The following PRKG2 variants were observed in gnomAD, a reference collection of about 807,000 sequenced individuals.
PRKG2 encodes cGMP-dependent protein kinase 2.
A neutral mutation model predicts 97.2 loss-of-function variants in PRKG2; 33 were observed. The ratio of observed to expected loss-of-function variants is 0.34; its 90% CI spans 0.26 to 0.45. The LOEUF is 0.45. Ranked by LOEUF, PRKG2 falls within the 20% of genes least tolerant of loss-of-function variation. The probability of loss-of-function intolerance (pLI) is 1.00; values close to 1 mark genes in which losing one functional copy is unlikely to be tolerated. For synonymous variants in PRKG2, 330 were observed against 321.8 expected (o/e 1.03, Z -0.27); for missense variants, 638 against 900.0 (o/e 0.71, Z 3.73).
At chr4:81,120,751 A>G (rs1744998818) in intron 14 of PRKG2, among the ~76,000 whole-genome samples, 1 of 152,132 alleles carries the variant, frequency 6.6e-6, no homozygotes, top group African/African-American at 2.4e-5. Flanking sequence ...GTGAGCAAAG[A>G]CTTTTATTTC....
At position 81,174,899 on chromosome 4, in the gene PRKG2, A is replaced by T; in HGVS notation, c.522T>A (p.Pro174=). 1 of 1,613,014 alleles carries T rather than the reference A, an allele frequency of 6.2e-7. No homozygotes were observed. Among genetic ancestry groups the T allele is most frequent in the Middle Eastern group, 1.7e-4 (1 of 6,056 alleles). ...ATTCCACCATGTCTTTGATCTGCTG[A>T]GGATCCAGTCTTTTCAGAAACTGAT... The part of the protein sequence containing the change: ...NKNQFLKRLD[P]QQIKDMVECM... Residue 174 remains proline (P), a synonymous_variant, in exon 3 of 19, where the codon CCT becomes CCA. Transcript: ENST00000264399.
At chr4:81,094,717 T>C (rs1380571963) in intron 17 of PRKG2, among the ~76,000 whole-genome samples, 1 of 151,656 alleles carries the variant, frequency 6.6e-6, no homozygotes, top group African/African-American at 2.4e-5. Context: ...GGGGGAACCA[T>C]GGGAGGATCT....
At chr4:81,203,552 A>G (rs1428438270) in intron 2 of PRKG2, among the ~76,000 whole-genome samples, 1 of 152,148 alleles carries the variant, frequency 6.6e-6, no homozygotes, top group Non-Finnish European at 1.5e-5. Context: ...TGCAATAGAG[A>G]TTCAGGCTCG....
At chr4:81,155,050 C>A (rs1229646248) in intron 6 of PRKG2, among the ~76,000 whole-genome samples, 2 of 149,886 alleles carry the variant, frequency 1.3e-5, no homozygotes, top group Non-Finnish European at 3.0e-5. Context: ...TAGTGGCGGG[C>A]GCCTGTAGTC....
Position 81,174,782 on chromosome 4 carries a change from G to C in PRKG2, c.628+11C>G, listed in dbSNP as rs1438591055. On this transcript the variant is annotated intron_variant, in intron 3 of 18. Transcript: ENST00000264399. ...ATTTATTATATATCTGGAAAAATCT[G>C]TGAAACCCACCTGCCAGCACAAAGA... 2 of 1,595,202 alleles carry C rather than the reference G, an allele frequency of 1.3e-6. No individual in the cohort carries two copies. The highest frequency in any genetic ancestry group is 4.5e-5 in the East Asian group (2 of 44,616).
At chr4:81,207,574 T>C (rs1394387804) in intron 1 of PRKG2, among the ~76,000 whole-genome samples, 1 of 152,186 alleles carries the variant, frequency 6.6e-6, no homozygotes, top group African/African-American at 2.4e-5. Flanking sequence ...GCTCTATGGA[T>C]GGTATTCAAA....
intron 14 of PRKG2, among the ~76,000 whole-genome samples, chr4:81,113,345 T>C (rs997535655): frequency 6.6e-6 from 1 of 150,954 alleles, no homozygotes; most frequent in Non-Finnish European, 1.5e-5. Flanking sequence ...CTAACAAAAC[T>C]GAGGTTTCAA....
chr4:81,155,449 CTGAT>C (rs1748977100), intron 6 of PRKG2, among the ~76,000 whole-genome samples: 1 of 152,126 alleles, frequency 6.6e-6, no homozygotes, highest in Non-Finnish European at 1.5e-5. Context: ...AAATCTACGT[CTGAT>C]TGGTGTACCT....
upstream of PRKG2, among the ~76,000 whole-genome samples, chr4:81,217,066 T>TATATATATATAA (rs1466238894): frequency 8.3e-5 from 12 of 145,380 alleles, no homozygotes; most frequent in African/African-American, 3.1e-4. Flanking sequence ...TGTATATATA[T>TATATATATATAA]AATATAAAAC....
rs191761258 is a variant in PRKG2 at position 81,189,741 on chromosome 4, C to A, written c.462-14782G>T. ...CTAACCTGCACGTTGTGCACATGTACCCTAAAACTTAAAGTATAATAAGAA... is the reference window on the plus strand; with the variant it reads ...CTAACCTGCACGTTGTGCACATGTAACCTAAAACTTAAAGTATAATAAGAA... On this transcript the variant is annotated intron_variant, in intron 2 of 18. Transcript: ENST00000264399. Among the ~76,000 whole-genome samples the A allele has an allele frequency of 2.6e-3, 385 of 146,048 alleles. 2 individuals are homozygous for A. Among genetic ancestry groups the A allele is most frequent in the African/African-American group, 0.01 (366 of 35,942 alleles).
rs187285621 is a variant in PRKG2, at chr4:81,118,378, T to C, written c.1777-7767A>G. ...CAAGAAACGTGATTGTTGGATCATA[T>C]GGTAAAGGTATGAGTCGTTATGCAA... On this transcript the variant is annotated intron_variant, in intron 14 of 18. Transcript: ENST00000264399. Among the ~76,000 whole-genome samples the C allele has an allele frequency of 3.5e-4, 54 of 152,310 alleles. No individual in the cohort carries two copies. The East Asian group carries it at 7.1e-3, about 20-fold the overall frequency.
At chr4:81,156,400 C>A (rs1022092220) in intron 6 of PRKG2, among the ~76,000 whole-genome samples, 1 of 152,124 alleles carries the variant, frequency 6.6e-6, no homozygotes, top group Non-Finnish European at 1.5e-5. Flanking sequence ...TATATATGCA[C>A]CCAATACAGG....
At chr4:81,099,506 T>C (rs1742489059) in intron 17 of PRKG2, among the ~76,000 whole-genome samples, 1 of 152,098 alleles carries the variant, frequency 6.6e-6, no homozygotes. Flanking sequence ...TTGACAAAAT[T>C]CAACAACGCT....
Position 81,203,973 on chromosome 4 carries a change from A to G in PRKG2, c.461+614T>C, listed in dbSNP as rs57641091. ...CACTCCAGATACCACCTGCTATAGT[A>G]TTGGCTTTTATCATATTATTGATTC... On this transcript the variant is annotated intron_variant, in intron 2 of 18. Coordinates refer to ENST00000264399, the MANE Select transcript of PRKG2 (RefSeq NM_006259.3). 2.8e-3 allele frequency among the ~76,000 whole-genome samples: 428 copies of G among 152,120 alleles called. 2 individuals carry two copies. Among genetic ancestry groups the G allele is most frequent in the African/African-American group, 9.7e-3 (404 of 41,466 alleles).
intron 2 of PRKG2, among the ~76,000 whole-genome samples, chr4:81,200,336 G>A (rs1753224865): frequency 6.6e-6 from 1 of 152,118 alleles, no homozygotes; most frequent in African/African-American, 2.4e-5. Context: ...CTGCCATCAG[G>A]TGGATCAAAC....
intron 14 of PRKG2, among the ~76,000 whole-genome samples, chr4:81,118,122 C>A (rs934769745): frequency 1.3e-5 from 2 of 152,146 alleles, no homozygotes; most frequent in African/African-American, 4.8e-5. Context: ...TGGCTTTTTT[C>A]ACTTAATAAT....
chr4:81,160,363 A>T (rs1749508636), intron 6 of PRKG2, among the ~76,000 whole-genome samples: 1 of 152,122 alleles, frequency 6.6e-6, no homozygotes, highest in South Asian at 2.1e-4. Context: ...TCACAGAGTA[A>T]ATTCACCTGG....
At chr4:81,127,731 C>T (rs1745744605) in intron 14 of PRKG2, among the ~76,000 whole-genome samples, 1 of 152,140 alleles carries the variant, frequency 6.6e-6, no homozygotes, top group Admixed American at 6.5e-5. Flanking sequence ...AGATTTTGGG[C>T]TGAGATGATG....
intron 12 of PRKG2, 42 bp downstream of exon 12, chr4:81,140,491 G>T: frequency 5.4e-6 from 8 of 1,492,834 alleles, no homozygotes; most frequent in Non-Finnish European, 7.2e-6. Flanking sequence ...TAAATAAAGA[G>T]CCTGAAAATC....
Sources: gnomAD v4.1 joint callset for allele counts (sites outside exome capture counted in the v4.1 genomes callset) on GRCh38, gnomAD v4.1.1 for gene constraint, MANE v1.5 for transcripts, NCBI Gene and HGNC (gene_info 2026-07-23, HGNC 2026-07-21) for gene names.